The following IQCM variants were observed in gnomAD, a reference collection of about 807,000 sequenced individuals.
IQCM encodes the protein IQ motif containing M, also known as IQ domain-containing protein M.
A neutral mutation model predicts 57.6 loss-of-function variants in IQCM; 45 were observed. The ratio of observed to expected loss-of-function variants is 0.78; its 90% CI spans 0.62 to 1.00. The LOEUF (loss-of-function observed/expected upper bound fraction) is 1.00. Among genes scored for constraint, IQCM ranks in the 50% least tolerant of loss-of-function variants. The probability of loss-of-function intolerance (pLI) is 0.00; values close to 1 mark genes in which losing one functional copy is unlikely to be tolerated. For synonymous variants in IQCM, 148 were observed against 158.9 expected (o/e 0.93, Z 0.51); for missense variants, 468 against 511.6 (o/e 0.91, Z 0.82).
intron 2 of IQCM, among the ~76,000 whole-genome samples, chr4:149,787,183 G>C (rs564403845): frequency 3.3e-5 from 5 of 152,162 alleles, no homozygotes; most frequent in African/African-American, 1.2e-4. Flanking sequence ...TGGGGGATGG[G>C]GGTGGGAACT....
Position 149,518,504 on chromosome 4 carries a change from A to C in IQCM, c.1228+29951T>G, listed in dbSNP as rs146678452. On this transcript the variant is annotated intron_variant, in intron 12 of 13. Transcript: ENST00000636793. ...CCTGAAAAGAGCAGTAAATTCTTACATCCTTTTTTTTCCAAATAAGGGGAT... is the reference window on the plus strand; with the variant it reads ...CCTGAAAAGAGCAGTAAATTCTTACCTCCTTTTTTTTCCAAATAAGGGGAT... Among the ~76,000 whole-genome samples the C allele has an allele frequency of 5.6e-3, 853 of 152,352 alleles. 4 individuals are homozygous for C. The highest frequency in any genetic ancestry group is 9.2e-3 in the Non-Finnish European group (626 of 68,042).
Position 149,561,772 on chromosome 4 carries a change from GT to G in IQCM, c.948+1919del, listed in dbSNP as rs1750143542. ...CTATGAATAGAAAAATAAAGAGTACGTACTTCCAAATAAGTCATATAAACCA... is the reference window on the plus strand; with the variant it reads ...CTATGAATAGAAAAATAAAGAGTACGACTTCCAAATAAGTCATATAAACCA... On this transcript the variant is annotated intron_variant, in intron 10 of 13. Transcript: ENST00000636793. Among the ~76,000 whole-genome samples, 3 of 152,044 alleles carry G rather than the reference GT, an allele frequency of 2.0e-5. No individual in the cohort carries two copies. The South Asian group carries it at 6.2e-4, about 32-fold the overall frequency.
At chr4:149,547,566 G>C (rs1333975113) in intron 12 of IQCM, among the ~76,000 whole-genome samples, 1 of 152,104 alleles carries the variant, frequency 6.6e-6, no homozygotes, top group Non-Finnish European at 1.5e-5. Flanking sequence ...AAGTTCTGGG[G>C]ATCTAATGTA....
chr4:149,698,289 G>GT (rs1561170637), intron 5 of IQCM, among the ~76,000 whole-genome samples: 2 of 151,922 alleles, frequency 1.3e-5, no homozygotes, highest in Non-Finnish European at 2.9e-5. Flanking sequence ...TCATAATCCC[G>GT]TAATAGCAAA....
chr4:149,480,053 G>A (rs1425128411), intron 12 of IQCM, among the ~76,000 whole-genome samples: 1 of 152,196 alleles, frequency 6.6e-6, no homozygotes, highest in Non-Finnish European at 1.5e-5. Flanking sequence ...GATCTTATAT[G>A]ACTACTGACA....
chr4:149,810,458 T>G (rs1322321496), intron 2 of IQCM, among the ~76,000 whole-genome samples: 1 of 152,036 alleles, frequency 6.6e-6, no homozygotes, highest in Non-Finnish European at 1.5e-5. Flanking sequence ...CATATAATTT[T>G]TTTTTCTTTG....
chr4:149,462,392 G>A (rs888245439), intron 12 of IQCM, among the ~76,000 whole-genome samples: 15 of 152,156 alleles, frequency 9.9e-5, no homozygotes, highest in African/African-American at 3.6e-4. Flanking sequence ...CAGAATGGAA[G>A]GCCAAGCCCA....
chr4:149,456,604 TGTA>T (rs1444777358), intron 12 of IQCM, among the ~76,000 whole-genome samples: 9 of 152,232 alleles, frequency 5.9e-5, no homozygotes, highest in African/African-American at 2.2e-4. Flanking sequence ...ATTCTCTACT[TGTA>T]GTGTCATGCA....
intron 9 of IQCM, among the ~76,000 whole-genome samples, chr4:149,579,138 A>G (rs536611658): frequency 5.3e-5 from 8 of 151,708 alleles, no homozygotes; most frequent in Non-Finnish European, 2.9e-5. Context: ...TTCATATTAC[A>G]TGCAGGAGTC....
At chr4:149,376,511 A>G (rs1206608287) in intron 13 of IQCM, among the ~76,000 whole-genome samples, 1 of 152,138 alleles carries the variant, frequency 6.6e-6, no homozygotes, top group African/African-American at 2.4e-5. Flanking sequence ...TCCTAATATT[A>G]GCTTTCTCAA....
chr4:149,639,778 A>T (rs932572462), intron 7 of IQCM, among the ~76,000 whole-genome samples: 2 of 152,068 alleles, frequency 1.3e-5, no homozygotes, highest in Admixed American at 1.3e-4. Flanking sequence ...AAAATAAAAA[A>T]ATTAGCCAGG....
intron 12 of IQCM, among the ~76,000 whole-genome samples, chr4:149,481,709 T>TTTTTTTTTG (rs1740881901): frequency 7.5e-6 from 1 of 133,058 alleles, no homozygotes; most frequent in Non-Finnish European, 1.6e-5. Context: ...TTGTTTTTTT[T>TTTTTTTTTG]TTTTTTTTTT....
chr4:149,775,252 T>C (rs943428490), intron 2 of IQCM, among the ~76,000 whole-genome samples: 9 of 152,044 alleles, frequency 5.9e-5, no homozygotes, highest in Admixed American at 1.3e-4. Flanking sequence ...TCGGATTGAA[T>C]GTTGTTTCTC....
intron 5 of IQCM, among the ~76,000 whole-genome samples, chr4:149,715,632 T>A (rs1764927044): frequency 6.6e-6 from 1 of 152,152 alleles, no homozygotes; most frequent in African/African-American, 2.4e-5. Flanking sequence ...AGTCCTGCCA[T>A]CTGGTGGGTC....
rs182068256 is a variant in IQCM at position 149,365,375 on chromosome 4, A to G, written c.1391-13309T>C. The stretch of plus-strand genomic sequence containing the variant: ...AATTCAAACTATAAAAGAAATATAC[A>G]TAACTATTTACTAGTATAATCAATA... On this transcript the variant is annotated intron_variant, in intron 13 of 13. Transcript: ENST00000636793. Among the ~76,000 whole-genome samples the G allele has an allele frequency of 1.4e-4, 22 of 152,316 alleles. No individual in the cohort carries two copies. In the East Asian group the frequency reaches 3.5e-3, roughly 24 times the overall value.
intron 12 of IQCM, among the ~76,000 whole-genome samples, chr4:149,435,060 T>A (rs1735219990): frequency 6.6e-6 from 1 of 152,106 alleles, no homozygotes; most frequent in Admixed American, 6.6e-5. Flanking sequence ...TGTTCTTTCC[T>A]CAGGTGCTCT....
intron 5 of IQCM, among the ~76,000 whole-genome samples, chr4:149,709,244 T>C (rs1385534778): frequency 6.6e-6 from 1 of 152,094 alleles, no homozygotes; most frequent in Non-Finnish European, 1.5e-5. Flanking sequence ...TCCAGGTAAA[T>C]GTATCATACT....
At chr4:149,617,509 T>C (rs1005736963) in intron 8 of IQCM, among the ~76,000 whole-genome samples, 4 of 152,144 alleles carry the variant, frequency 2.6e-5, no homozygotes, top group African/African-American at 9.7e-5. Context: ...GGGTAAGATA[T>C]AAACCTTTAT....
At chr4:149,490,644 C>T (rs1741995223) in intron 12 of IQCM, among the ~76,000 whole-genome samples, 2 of 151,844 alleles carry the variant, frequency 1.3e-5, no homozygotes, top group South Asian at 4.1e-4. Context: ...AATCCCTTTC[C>T]TTCATTACAA....
Sources: gnomAD v4.1 joint callset for allele counts (sites outside exome capture counted in the v4.1 genomes callset) on GRCh38, gnomAD v4.1.1 for gene constraint, MANE v1.5 for transcripts, NCBI Gene and HGNC (gene_info 2026-07-23, HGNC 2026-07-21) for gene names.